The following MAP3K7CL variants were observed in gnomAD, a reference collection of about 807,000 sequenced individuals.
MAP3K7CL encodes MAP3K7 C-terminal like, also known as MAP3K7 C-terminal-like protein.
A neutral mutation model predicts 18.6 loss-of-function variants in MAP3K7CL; 16 were observed. The ratio of observed to expected loss-of-function variants is 0.86; its 90% CI spans 0.58 to 1.31. The LOEUF (loss-of-function observed/expected upper bound fraction) is 1.31, where lower values mean the gene tolerates loss of function less well. MAP3K7CL is among the 50% of genes most tolerant of loss of function. MAP3K7CL has a pLI of 0.00. For synonymous variants in MAP3K7CL, 65 were observed against 66.8 expected (o/e 0.97, Z 0.13); for missense variants, 163 against 174.4 (o/e 0.93, Z 0.37).
intron 4 of MAP3K7CL, among the ~76,000 whole-genome samples, chr21:29,163,612 T>TC (rs1469243295): frequency 6.6e-6 from 1 of 151,692 alleles, no homozygotes; most frequent in Non-Finnish European, 1.5e-5. Context: ...CCTCCTCACT[T>TC]CTCCCGGGGC....
At chr21:29,089,271 G>A (rs1449234954) in intron 1 of MAP3K7CL, among the ~76,000 whole-genome samples, 1 of 150,106 alleles carries the variant, frequency 6.7e-6, no homozygotes, top group African/African-American at 2.5e-5. Flanking sequence ...CAAGAAACTG[G>A]GAGAAGACTG....
At chr21:29,097,214 T>A (rs2086138932) in intron 4 of MAP3K7CL, among the ~76,000 whole-genome samples, 1 of 152,120 alleles carries the variant, frequency 6.6e-6, no homozygotes, top group African/African-American at 2.4e-5. Context: ...TCAGAGTATC[T>A]AGTAGGAATT....
chr21:29,159,985 C>G lies in MAP3K7CL; in HGVS notation c.177C>G (p.Phe59Leu), dbSNP rs1568968837. The G allele has an allele frequency of 1.2e-6, 2 of 1,614,046 alleles. No individual in the cohort carries two copies. The highest frequency in any genetic ancestry group is 8.5e-7 in the Non-Finnish European group (1 of 1,179,946). ...ACTCCGAGGAATCCATGGAGGTGTT[C>G]AAACAGCACTGCCAAATAGCAGAAG... ...CHDSEESMEV[F>L]KQHCQIAEEY... Residue 59 changes from phenylalanine to leucine, a missense_variant, in exon 4 of 5, where the codon TTC becomes TTG. Phe to Leu is a conservative substitution (Grantham distance 22, BLOSUM62 0). Coordinates refer to ENST00000399928, the MANE Select transcript of MAP3K7CL (RefSeq NM_001286620.2).
intron 4 of MAP3K7CL, among the ~76,000 whole-genome samples, chr21:29,096,341 C>A (rs2086121394): frequency 6.6e-6 from 1 of 152,052 alleles, no homozygotes; most frequent in East Asian, 1.9e-4. Flanking sequence ...CCTGATCTCA[C>A]AAAGCTCAGA....
chr21:29,124,353 CAAAAAA>C (rs59499297), intron 4 of MAP3K7CL, among the ~76,000 whole-genome samples: 2 of 78,610 alleles, frequency 2.5e-5, no homozygotes, highest in South Asian at 5.2e-4. Flanking sequence ...GACTCCGTCT[CAAAAAA>C]AAAAAAAAAA....
intron 2 of MAP3K7CL, among the ~76,000 whole-genome samples, chr21:29,144,411 T>A (rs1460701037): frequency 1.3e-5 from 2 of 152,148 alleles, no homozygotes; most frequent in African/African-American, 2.4e-5. Flanking sequence ...GTGATCCTCC[T>A]GCCTGGGCCT....
intron 4 of MAP3K7CL, among the ~76,000 whole-genome samples, chr21:29,100,372 C>T (rs1228543383): frequency 2.0e-5 from 3 of 152,168 alleles, no homozygotes; most frequent in Admixed American, 2.0e-4. Context: ...GAGATGAATA[C>T]TTTGTTTCAG....
At chr21:29,120,750 C>T (rs2086579652) in intron 4 of MAP3K7CL, among the ~76,000 whole-genome samples, 1 of 149,158 alleles carries the variant, frequency 6.7e-6, no homozygotes, top group African/African-American at 2.5e-5. Flanking sequence ...TTCCTTCTTC[C>T]TTCCTTCCTT....
intron 2 of MAP3K7CL, among the ~76,000 whole-genome samples, chr21:29,134,479 T>C (rs1219083421): frequency 1.3e-5 from 2 of 152,322 alleles, no homozygotes; most frequent in African/African-American, 4.8e-5. Context: ...AGGTGACACA[T>C]TTAACCTGGA....
exon 2 of MAP3K7CL, chr21:29,091,566 C>T (rs1307470018): frequency 2.9e-6 from 2 of 701,530 alleles, no homozygotes; most frequent in Admixed American, 2.0e-5. Context: ...GCCCTGACCT[C>T]CTGGGCCCAG....
upstream of MAP3K7CL, among the ~76,000 whole-genome samples, chr21:29,084,387 C>T (rs765236762): frequency 1.8e-4 from 27 of 152,146 alleles, no homozygotes; most frequent in Non-Finnish European, 3.5e-4. Context: ...AAGATGGTCC[C>T]TGATTTCTTT....
upstream of MAP3K7CL, chr21:29,127,741 C>T (rs1350184721): frequency 1.3e-5 from 2 of 152,150 alleles, no homozygotes; most frequent in African/African-American, 2.4e-5. Flanking sequence ...TTTTTGATGT[C>T]ATGAGGACGT....
At chr21:29,113,723 C>T (rs2086458316) in intron 4 of MAP3K7CL, among the ~76,000 whole-genome samples, 1 of 152,112 alleles carries the variant, frequency 6.6e-6, no homozygotes, top group African/African-American at 2.4e-5. Context: ...GGGGTTTCAC[C>T]ATGTTGGTCA....
At chr21:29,146,973 G>T (rs577186563) in intron 2 of MAP3K7CL, among the ~76,000 whole-genome samples, 1 of 152,238 alleles carries the variant, frequency 6.6e-6, no homozygotes, top group South Asian at 2.1e-4. Context: ...CATTGGGAGA[G>T]GATACTTGTT....
At chr21:29,162,734 T>C (rs1185093234) in intron 4 of MAP3K7CL, among the ~76,000 whole-genome samples, 1 of 151,424 alleles carries the variant, frequency 6.6e-6, no homozygotes, top group Non-Finnish European at 1.5e-5. Context: ...GAGTGACTCC[T>C]ATCTAATGTT....
At chr21:29,085,045 C>T (rs2085900233), upstream of MAP3K7CL, 1 of 152,220 alleles carries the variant, frequency 6.6e-6, no homozygotes, top group Non-Finnish European at 1.5e-5. Context: ...ATGCCTGTCT[C>T]TAAGCCCATA....
At chr21:29,108,998 C>G in intron 4 of MAP3K7CL, 1 of 1,477,822 alleles carries the variant, frequency 6.8e-7, no homozygotes, top group Non-Finnish European at 9.0e-7. Context: ...TCGGCTGGAC[C>G]CAAATAATTT....
chr21:29,091,727 C>T lies in MAP3K7CL; in HGVS notation c.193C>T (p.Pro65Ser), dbSNP rs1364676310. ...TGAACACCTGGCTTCAAGCAGTCCT[C>T]CTGCTTTTGGCTTCTTGAAGTGCTT... Residue 65 changes from proline to serine, a missense_variant, in exon 3 of 7, where the codon CCT becomes TCT. Coordinates refer to the MAP3K7CL transcript ENST00000286791. The T allele has an allele frequency of 7.1e-5, 50 of 702,374 alleles. No individual in the cohort carries two copies. The Admixed American group carries it at 9.8e-4, about 14-fold the overall frequency. The allele number at this position is 702,374 out of a possible 1,614,324, so 43.5% of individuals were successfully genotyped here.
upstream of MAP3K7CL, chr21:29,128,229 C>G (rs1289057529): frequency 6.6e-6 from 1 of 152,174 alleles, no homozygotes; most frequent in Non-Finnish European, 1.5e-5. Flanking sequence ...GATACTGGAC[C>G]ACTGAAGAAA....
Sources: allele counts gnomAD v4.1 joint callset (sites outside exome capture counted in the v4.1 genomes callset), GRCh38; gene constraint gnomAD v4.1.1; transcripts MANE v1.5; gene names NCBI Gene and HGNC (gene_info 2026-07-23, HGNC 2026-07-21).